The following SPAG16 variants were observed in gnomAD, a reference collection of about 807,000 sequenced individuals.
SPAG16 encodes the protein sperm-associated antigen 16 protein.
A neutral mutation model predicts 80.4 loss-of-function variants in SPAG16; 86 were observed. That is an observed-to-expected ratio of 1.07 (90% CI 0.90 to 1.28). The LOEUF (loss-of-function observed/expected upper bound fraction) is 1.28. Among genes scored for constraint, SPAG16 ranks in the 50% most tolerant of loss-of-function variants. SPAG16 has a pLI of 0.00. For synonymous variants in SPAG16, 294 were observed against 265.9 expected, an observed-to-expected ratio of 1.11 and a Z score of -1.03; for missense variants, 870 against 765.3, an observed-to-expected ratio of 1.14 and a Z score of -1.61.
chr2:214,076,957 T>C (rs1349129531), intron 13 of SPAG16, among the ~76,000 whole-genome samples: 1 of 152,120 alleles, frequency 6.6e-6, no homozygotes, highest in Non-Finnish European at 1.5e-5. Flanking sequence ...TGATGGACTT[T>C]GGAAATGGAA....
chr2:213,953,482 A>G (rs949414843), intron 12 of SPAG16, among the ~76,000 whole-genome samples: 2 of 151,916 alleles, frequency 1.3e-5, no homozygotes, highest in African/African-American at 4.8e-5. Flanking sequence ...ACACAAATGT[A>G]TCCCAGAATA....
intron 10 of SPAG16, among the ~76,000 whole-genome samples, chr2:213,668,863 G>A (rs1036469349): frequency 8.5e-5 from 13 of 152,120 alleles, no homozygotes; most frequent in Non-Finnish European, 1.9e-4. Context: ...TTAGCCAGGA[G>A]GGTCTCGGTC....
At chr2:213,865,668 C>A (rs1575399764) in intron 11 of SPAG16, among the ~76,000 whole-genome samples, 1 of 147,590 alleles carries the variant, frequency 6.8e-6, no homozygotes, top group East Asian at 2.0e-4. Context: ...AACTTCTGAA[C>A]TTATATATAT....
In SPAG16 at chr2:213,413,744, G is replaced by A. The variant is rs537232870; in HGVS notation, c.942+38625G>A. 1.4e-4 allele frequency among the ~76,000 whole-genome samples: 22 copies of A among 152,216 alleles called. 1 individual carries two copies. In the South Asian group the frequency reaches 2.7e-3, roughly 19 times the overall value. ...GGTAAATTAACAAAAATGGAAATAC[G>A]TGATACTCCATATCTCATCCCTTGG... On this transcript the variant is annotated intron_variant, in intron 9 of 15. Transcript: ENST00000331683.
At chr2:214,149,397 A>T in intron 15 of SPAG16, 131 bp downstream of exon 15, 1 of 769,312 alleles carries the variant, frequency 1.3e-6, no homozygotes, top group East Asian at 5.1e-5. Context: ...ATTATATTAC[A>T]TTACATTAAG....
At chr2:214,027,959 AT>A (rs886564711) in intron 13 of SPAG16, among the ~76,000 whole-genome samples, 3 of 151,928 alleles carry the variant, frequency 2.0e-5, no homozygotes, top group African/African-American at 7.2e-5. Context: ...TAAGTGTGTT[AT>A]TTTAGCTAAC....
chr2:213,399,906 G>A (rs339818), intron 9 of SPAG16, among the ~76,000 whole-genome samples: 1,981 of 151,918 alleles, frequency 0.013, 42 homozygotes, highest in African/African-American at 0.044. Context: ...CATTTCATCT[G>A]AGTTTTAAAT....
chr2:214,221,681 A>G (rs2058573730), intron 15 of SPAG16, among the ~76,000 whole-genome samples: 1 of 152,148 alleles, frequency 6.6e-6, no homozygotes, highest in Admixed American at 6.5e-5. Flanking sequence ...TGACATTTTT[A>G]CTTTCCAGAG....
intron 10 of SPAG16, among the ~76,000 whole-genome samples, chr2:213,812,843 G>A (rs953143728): frequency 2.6e-5 from 4 of 151,618 alleles, no homozygotes; most frequent in Admixed American, 6.6e-5. Context: ...TCTTTGCTTT[G>A]ATGCATTGTT....
At chr2:213,944,878 A>T (rs1051408032) in intron 12 of SPAG16, among the ~76,000 whole-genome samples, 2 of 152,140 alleles carry the variant, frequency 1.3e-5, no homozygotes, top group Admixed American at 6.5e-5. Flanking sequence ...TACTAAAAAT[A>T]CAAAAATAAA....
chr2:213,615,102 G>A (rs1319085731), intron 10 of SPAG16, among the ~76,000 whole-genome samples: 1 of 152,134 alleles, frequency 6.6e-6, no homozygotes, highest in East Asian at 1.9e-4. Flanking sequence ...GTTGACAGAC[G>A]GTTAATCTGC....
In SPAG16 at chr2:213,859,488, T is replaced by TG. The variant is rs1378576858; in HGVS notation, c.1071-2995dup. Among the ~76,000 whole-genome samples, 7 of 152,246 alleles carry TG rather than the reference T, an allele frequency of 4.6e-5. No homozygotes were observed. In the East Asian group the frequency reaches 1.4e-3, roughly 29 times the overall value. ...TACAATACACTGGCAATTTCTAAAT[T>TG]GGTTCTTTACCTCAGGGCTTAATAA... On this transcript the variant is annotated intron_variant, in intron 10 of 15. Coordinates refer to ENST00000331683, the MANE Select transcript of SPAG16 (RefSeq NM_024532.5).
At chr2:213,977,740 A>T (rs930174330) in intron 12 of SPAG16, among the ~76,000 whole-genome samples, 1 of 152,026 alleles carries the variant, frequency 6.6e-6, no homozygotes, top group Non-Finnish European at 1.5e-5. Flanking sequence ...TCTTATTTAT[A>T]GATTTAAGGG....
chr2:213,728,735 G>T (rs1385769677), intron 10 of SPAG16, among the ~76,000 whole-genome samples: 3 of 151,666 alleles, frequency 2.0e-5, no homozygotes, highest in Non-Finnish European at 4.4e-5. Context: ...AAATTAGCCG[G>T]GCGTGGTGGT....
chr2:213,440,154 C>T (rs1366514063), intron 9 of SPAG16, among the ~76,000 whole-genome samples: 1 of 152,094 alleles, frequency 6.6e-6, no homozygotes, highest in Non-Finnish European at 1.5e-5. Flanking sequence ...CAATTTAATT[C>T]CATGGGCCAT....
intron 9 of SPAG16, among the ~76,000 whole-genome samples, chr2:213,413,049 G>A (rs74801477): frequency 6.6e-6 from 1 of 152,196 alleles, no homozygotes; most frequent in African/African-American, 2.4e-5. Flanking sequence ...GGGTAATGCT[G>A]TTAATTAGTA....
chr2:213,896,586 A>ACACGCGCG (rs751645886), intron 11 of SPAG16, among the ~76,000 whole-genome samples: 1 of 84,612 alleles, frequency 1.2e-5, no homozygotes, highest in Non-Finnish European at 2.7e-5. Context: ...ATATACACAC[A>ACACGCGCG]CACACGCACA....
intron 10 of SPAG16, among the ~76,000 whole-genome samples, chr2:213,712,653 G>A (rs9288469): frequency 0.061 from 9,220 of 152,110 alleles, 446 homozygotes; most frequent in African/African-American, 0.13. Context: ...TTTCTCTCTA[G>A]GGAAGAAGAA....
intron 10 of SPAG16, among the ~76,000 whole-genome samples, chr2:213,694,041 A>G (rs2065054586): frequency 7.9e-6 from 1 of 126,030 alleles, no homozygotes. Context: ...TTTATGCAAG[A>G]CAAAAAAAAA....
Sources: gnomAD v4.1 joint callset for allele counts (sites outside exome capture counted in the v4.1 genomes callset) on GRCh38, gnomAD v4.1.1 for gene constraint, MANE v1.5 for transcripts, NCBI Gene and HGNC (gene_info 2026-07-23, HGNC 2026-07-21) for gene names.